TMTC4: variants seen among roughly 807,000 people sequenced by gnomAD.
TMTC4 encodes protein O-mannosyl-transferase TMTC4.
In TMTC4, 65 loss-of-function variants were observed where a neutral mutation model predicts 86.0. The observed-to-expected ratio is 0.76, with a 90% CI of 0.62 to 0.93. The LOEUF (loss-of-function observed/expected upper bound fraction) is 0.93, where lower values mean the gene tolerates loss of function less well. Among genes scored for constraint, TMTC4 ranks in the 40% least tolerant of loss-of-function variants. The pLI, the probability that TMTC4 is intolerant of heterozygous loss-of-function variation, is 0.00. For missense variants in TMTC4, 866 were observed against 948.1 expected (o/e 0.91, Z 1.14); for synonymous variants, 379 against 382.5 (o/e 0.99, Z 0.11).
chr13:100,611,209 T>C (rs1188748666), intron 17 of TMTC4, among the ~76,000 whole-genome samples: 2 of 152,238 alleles, frequency 1.3e-5, no homozygotes, highest in African/African-American at 2.4e-5. Context: ...CCCCTGATTC[T>C]GAAATAAAGG....
chr13:100,672,034 A>G lies in TMTC4; in HGVS notation c.-207-1465T>C, dbSNP rs566923587. Reference sequence around the variant, plus strand: ...AGTCTTTCTAAGAATCAATTTCCTCACTGGCACAACACAGTACCACCACCA... The same window carrying G: ...AGTCTTTCTAAGAATCAATTTCCTCGCTGGCACAACACAGTACCACCACCA... On this transcript the variant is annotated intron_variant, in intron 1 of 18. Coordinates refer to ENST00000342624, the MANE Select transcript of TMTC4 (RefSeq NM_032813.5). 4.6e-5 allele frequency among the ~76,000 whole-genome samples: 7 copies of G among 152,286 alleles called. No individual in the cohort carries two copies. In the East Asian group the frequency reaches 1.2e-3, roughly 25 times the overall value.
At chr13:100,673,440 C>T (rs1479323392) in intron 1 of TMTC4, among the ~76,000 whole-genome samples, 3 of 152,228 alleles carry the variant, frequency 2.0e-5, no homozygotes, top group Non-Finnish European at 4.4e-5. Context: ...ATCACATAGC[C>T]AGCCATCCTA....
At chr13:100,674,803 C>G, upstream of TMTC4, 1 of 982,954 alleles carries the variant, frequency 1.0e-6, no homozygotes, top group Non-Finnish European at 1.2e-6. Flanking sequence ...TCTGGCGGCT[C>G]CAGGCACCCG....
At chr13:100,641,667 A>T (rs1883032208) in intron 7 of TMTC4, among the ~76,000 whole-genome samples, 1 of 152,090 alleles carries the variant, frequency 6.6e-6, no homozygotes, top group East Asian at 1.9e-4. Flanking sequence ...TTGTATTTTT[A>T]GTAGAGAAGG....
chr13:100,647,968 C>T (rs1219946073), intron 6 of TMTC4, among the ~76,000 whole-genome samples: 1 of 152,198 alleles, frequency 6.6e-6, no homozygotes, highest in African/African-American at 2.4e-5. Context: ...CTCCACCTCT[C>T]CCATCCTCTA....
intron 15 of TMTC4, 73 bp downstream of exon 15, chr13:100,625,462 C>T: frequency 5.0e-6 from 8 of 1,587,114 alleles, no homozygotes; most frequent in South Asian, 1.1e-5. Context: ...GTGGGTGTCA[C>T]TATGTCATTT....
intron 12 of TMTC4, 59 bp from the exon 13 acceptor site, chr13:100,626,209 C>G (rs1880504308): frequency 6.6e-7 from 1 of 1,518,274 alleles, no homozygotes; most frequent in East Asian, 2.3e-5. Flanking sequence ...GAGCCTGGAC[C>G]CCATCACATC....
At chr13:100,618,317 T>C (rs1171305713) in intron 15 of TMTC4, among the ~76,000 whole-genome samples, 1 of 152,270 alleles carries the variant, frequency 6.6e-6, no homozygotes, top group East Asian at 1.9e-4. Flanking sequence ...CCTATTTACA[T>C]GCCTTTTATT....
intron 6 of TMTC4, among the ~76,000 whole-genome samples, chr13:100,650,462 G>C (rs1283224): frequency 6.6e-6 from 1 of 152,082 alleles, no homozygotes; most frequent in Admixed American, 6.5e-5. Context: ...AAAGCATCAC[G>C]TTGTACAAGT....
chr13:100,625,109 G>GCT (rs1267228326), intron 15 of TMTC4: 1 of 183,102 alleles, frequency 5.5e-6, no homozygotes, highest in Non-Finnish European at 1.2e-5. Context: ...CAGATGAAGA[G>GCT]CTCTGCTCCC....
At chr13:100,640,909 A>G (rs1181029963) in intron 7 of TMTC4, among the ~76,000 whole-genome samples, 3 of 152,172 alleles carry the variant, frequency 2.0e-5, no homozygotes, top group Non-Finnish European at 4.4e-5. Flanking sequence ...ATGGAAAGCA[A>G]TGGAAAGCAG....
At chr13:100,618,119 T>C (rs1305081949) in intron 15 of TMTC4, among the ~76,000 whole-genome samples, 2 of 152,176 alleles carry the variant, frequency 1.3e-5, no homozygotes, top group Non-Finnish European at 2.9e-5. Context: ...ATTGCATTCT[T>C]GGTTTGGCTC....
chr13:100,625,979 A>G (rs1880449785), intron 13 of TMTC4, 87 bp from the exon 14 acceptor site: 1 of 1,593,442 alleles, frequency 6.3e-7, no homozygotes, highest in Non-Finnish European at 8.6e-7. Flanking sequence ...AAGATATTGT[A>G]AAGTTGGGGT....
Position 100,625,663 on chromosome 13 carries a change from C to A in TMTC4, c.1708G>T (p.Ala570Ser), listed in dbSNP as rs751003391. Reference sequence around the variant, plus strand: ...ACTATGCCTAGATTCATCCACGCAGCGGCAAAGTCTGGCCTAGAGGAGCAG... The same window carrying A: ...ACTATGCCTAGATTCATCCACGCAGAGGCAAAGTCTGGCCTAGAGGAGCAG... The part of the protein sequence containing the change: ...LAVQIQPDFA[A>S]AWMNLGIVQN... Residue 570 changes from alanine (A) to serine (S), a missense_variant, in exon 15 of 19, where the codon GCT becomes TCT. Coordinates refer to ENST00000342624, the MANE Select transcript of TMTC4 (RefSeq NM_032813.5). 1.2e-6 allele frequency: 2 copies of A among 1,614,100 alleles called. No homozygotes were observed. The highest frequency in any genetic ancestry group is 1.1e-5 in the South Asian group (1 of 91,080).
upstream of TMTC4, chr13:100,674,873 C>T: frequency 1.0e-6 from 1 of 974,996 alleles, no homozygotes; most frequent in Non-Finnish European, 1.2e-6. Context: ...CGCGCCGCGC[C>T]TCCCGCAGCT....
At chr13:100,656,604 G>A (rs961624235) in intron 5 of TMTC4, 136 bp from the exon 6 acceptor site, 1 of 614,864 alleles carries the variant, frequency 1.6e-6, no homozygotes, top group Non-Finnish European at 2.7e-6. Flanking sequence ...GTGCAGCAGT[G>A]TGATCTTGGC....
At chr13:100,617,127 A>AT (rs35707709) in intron 15 of TMTC4, among the ~76,000 whole-genome samples, 49,375 of 147,740 alleles carry the variant, frequency 0.33, 8,430 homozygotes, top group East Asian at 0.41. Context: ...TTCTTCTAGG[A>AT]TTTTTTTTTT....
At chr13:100,638,179 C>T (rs1050066505) in intron 7 of TMTC4, 157 bp from the exon 8 acceptor site, 8 of 554,824 alleles carry the variant, frequency 1.4e-5, no homozygotes, top group Admixed American at 1.3e-4. Context: ...ACATAACAGC[C>T]GTACGTTTCT....
intron 6 of TMTC4, among the ~76,000 whole-genome samples, chr13:100,648,000 C>T (rs1032691139): frequency 5.9e-5 from 9 of 152,228 alleles, no homozygotes; most frequent in African/African-American, 2.2e-4. Flanking sequence ...ACAGAAGAGT[C>T]CTACTCTTTT....
Sources: gnomAD v4.1 joint callset for allele counts (sites outside exome capture counted in the v4.1 genomes callset) on GRCh38, gnomAD v4.1.1 for gene constraint, MANE v1.5 for transcripts, NCBI Gene and HGNC (gene_info 2026-07-23, HGNC 2026-07-21) for gene names.